VPS13D: variants seen among roughly 807,000 people sequenced by gnomAD.
VPS13D encodes vacuolar protein sorting 13 homolog D, also known as intermembrane lipid transfer protein VPS13D.
Under a neutral mutation model 461.9 loss-of-function variants are expected in VPS13D, and 187 were observed. That is an observed-to-expected ratio of 0.40 (90% CI 0.36 to 0.46). VPS13D has a LOEUF of 0.46. VPS13D is among the 20% of genes least tolerant of loss of function. VPS13D has a pLI of 0.60. For synonymous variants in VPS13D, 1,951 were observed against 1,986.3 expected (o/e 0.98, Z 0.47); for missense variants, 4,711 against 5,364.9 (o/e 0.88, Z 3.81).
intron 65 of VPS13D, among the ~76,000 whole-genome samples, chr1:12,452,207 A>G (rs762426490): frequency 1.3e-5 from 2 of 152,180 alleles, no homozygotes; most frequent in Non-Finnish European, 2.9e-5. Flanking sequence ...CTGGGTGTGT[A>G]GTGGATTTGT....
chr1:12,310,681 A>G (rs1180966793), intron 27 of VPS13D, among the ~76,000 whole-genome samples: 1 of 152,182 alleles, frequency 6.6e-6, no homozygotes, highest in Non-Finnish European at 1.5e-5. Context: ...GTAATATTTA[A>G]GCTCTTTGTG....
intron 65 of VPS13D, among the ~76,000 whole-genome samples, chr1:12,442,733 G>C (rs1645145734): frequency 6.6e-6 from 1 of 151,980 alleles, no homozygotes; most frequent in South Asian, 2.1e-4. Context: ...GAGTAACTGA[G>C]ACTACAGGTG....
At chr1:12,506,797 C>A in intron 68 of VPS13D, 56 bp from the exon 69 acceptor site, 3 of 1,586,374 alleles carry the variant, frequency 1.9e-6, no homozygotes, top group Non-Finnish European at 2.6e-6. Context: ...TGGGCCTCCC[C>A]CTGATGCTGG....
intron 65 of VPS13D, among the ~76,000 whole-genome samples, chr1:12,439,270 C>T (rs967635733): frequency 6.6e-6 from 1 of 152,158 alleles, no homozygotes. Context: ...CAGCTCCTGC[C>T]ACACTGTTCT....
At chr1:12,440,110 C>T (rs1286853355) in intron 65 of VPS13D, among the ~76,000 whole-genome samples, 2 of 152,232 alleles carry the variant, frequency 1.3e-5, no homozygotes, top group Non-Finnish European at 2.9e-5. Flanking sequence ...TTCTACATTG[C>T]CGCCCAAGAA....
chr1:12,395,885 C>T (rs1644488307), intron 60 of VPS13D, among the ~76,000 whole-genome samples: 1 of 150,464 alleles, frequency 6.6e-6, no homozygotes. Context: ...CTCCAGAAAC[C>T]CCAAAGCCAA....
chr1:12,337,042 C>T (rs1217131097), intron 39 of VPS13D: 4 of 152,126 alleles, frequency 2.6e-5, no homozygotes, highest in Non-Finnish European at 5.9e-5. Flanking sequence ...TCTTCCCTCC[C>T]TGCCTCCCTT....
intron 68 of VPS13D, chr1:12,499,546 G>C (rs952234055): frequency 4.5e-5 from 44 of 985,266 alleles, no homozygotes; most frequent in Non-Finnish European, 5.1e-5. Context: ...GAAAAACAGA[G>C]CCAGAGAGAG....
intron 27 of VPS13D, among the ~76,000 whole-genome samples, chr1:12,309,576 G>A (rs1344992543): frequency 6.9e-6 from 1 of 144,454 alleles, no homozygotes; most frequent in African/African-American, 2.5e-5. Context: ...GGCCAACATG[G>A]TGAAACCCCG....
intron 1 of VPS13D, among the ~76,000 whole-genome samples, chr1:12,230,682 C>T (rs934734729): frequency 1.3e-5 from 2 of 152,058 alleles, no homozygotes; most frequent in African/African-American, 4.8e-5. Context: ...CCTAAAACCT[C>T]TCTTTACCTT....
chr1:12,386,293 G>C lies in VPS13D; in HGVS notation c.11593G>C (p.Ala3865Pro), dbSNP rs763842591. The C allele has an allele frequency of 6.2e-7, 1 of 1,612,216 alleles. No individual in the cohort carries two copies. The highest frequency in any genetic ancestry group is 8.5e-7 in the Non-Finnish European group (1 of 1,179,228). ...AATCAATGTGCACTATACACAGCTGGCAACCAGTCACATGCTTGAACTCAG... is the reference window on the plus strand; with the variant it reads ...AATCAATGTGCACTATACACAGCTGCCAACCAGTCACATGCTTGAACTCAG... The part of the protein sequence containing the change: ...TGINVHYTQL[A>P]TSHMLELSIQ... Residue 3865 changes from alanine (A) to proline (P), a missense_variant, in exon 60 of 70, where the codon GCA becomes CCA. Physicochemically the swap from Ala to Pro is conservative, Grantham distance 27. Transcript: ENST00000620676.
chr1:12,311,792 A>G, intron 28 of VPS13D, 21 bp from the exon 29 acceptor site: 1 of 1,607,136 alleles, frequency 6.2e-7, no homozygotes, highest in Non-Finnish European at 8.5e-7. Context: ...CTGTGGATTG[A>G]CGAGCATTTT....
chr1:12,382,889 T>G, intron 57 of VPS13D, 87 bp from the exon 58 acceptor site: 1 of 1,269,720 alleles, frequency 7.9e-7, no homozygotes, highest in Non-Finnish European at 1.1e-6. Context: ...GAATGTAAAT[T>G]TAGGAACTTG....
chr1:12,362,983 T>C, intron 51 of VPS13D, 89 bp from the exon 52 acceptor site: 1 of 1,580,922 alleles, frequency 6.3e-7, no homozygotes, highest in Non-Finnish European at 8.6e-7. Context: ...TAGCTCCTGT[T>C]AGAGGGTAAG....
chr1:12,251,887 A>G (rs930575412), intron 6 of VPS13D, among the ~76,000 whole-genome samples: 7 of 152,192 alleles, frequency 4.6e-5, no homozygotes, highest in African/African-American at 7.2e-5. Flanking sequence ...TTAAAGCAAC[A>G]TAAATTTATT....
chr1:12,498,523 C>T (rs538403058), intron 68 of VPS13D, among the ~76,000 whole-genome samples: 24 of 152,274 alleles, frequency 1.6e-4, no homozygotes, highest in African/African-American at 5.5e-4. Context: ...GTATTTGTTG[C>T]TTGCCGGATA....
In VPS13D at chr1:12,346,667, C is replaced by T. The variant is rs774422456; in HGVS notation, c.9069+15C>T. ...CCCAGGTTTATGTAAGTATGATTTT[C>T]CTGTTGTCATTGTGTTTATTGCGTA... On this transcript the variant is annotated intron_variant, in intron 44 of 69. Transcript: ENST00000620676. The T allele has an allele frequency of 6.2e-7, 1 of 1,611,634 alleles. No individual in the cohort carries two copies. Among genetic ancestry groups the T allele is most frequent in the Non-Finnish European group, 8.5e-7 (1 of 1,178,930 alleles).
chr1:12,388,194 G>A (rs1320231458), intron 60 of VPS13D, among the ~76,000 whole-genome samples: 1 of 152,194 alleles, frequency 6.6e-6, no homozygotes, highest in African/African-American at 2.4e-5. Context: ...TCACTTGAAT[G>A]TAGAATTATA....
At chr1:12,243,568 G>T (rs1000914668) in intron 3 of VPS13D, among the ~76,000 whole-genome samples, 1 of 152,150 alleles carries the variant, frequency 6.6e-6, no homozygotes, top group Non-Finnish European at 1.5e-5. Flanking sequence ...GAGGCAGGAG[G>T]ATCACTTGAG....
Sources: allele counts gnomAD v4.1 joint callset (sites outside exome capture counted in the v4.1 genomes callset), GRCh38; gene constraint gnomAD v4.1.1; transcripts MANE v1.5; gene names NCBI Gene and HGNC (gene_info 2026-07-23, HGNC 2026-07-21).